SNX4: variants seen among roughly 807,000 people sequenced by gnomAD.
SNX4 encodes sorting nexin-4.
SNX4 carries 49 observed loss-of-function variants against 70.8 expected under a neutral mutation model. The observed-to-expected ratio is 0.69, with a 90% CI of 0.55 to 0.88. The LOEUF is 0.88. Ranked by LOEUF, SNX4 falls within the 40% of genes least tolerant of loss-of-function variation. The pLI is 0.00. For missense variants in SNX4, 528 were observed against 544.8 expected (o/e 0.97, Z 0.31); for synonymous variants, 206 against 183.8 (o/e 1.12, Z -0.98).
rs58660681 is a variant in SNX4, at chr3:125,474,848, C to CA, written c.788+1846dup. On this transcript the variant is annotated intron_variant, in intron 8 of 13. Coordinates refer to ENST00000251775, the MANE Select transcript of SNX4 (RefSeq NM_003794.4). ...TGTTTAGTTTATGTTAATTCCCCCC[C>CA]ACATGTCTCCTATGGGATATAATTT... Among the ~76,000 whole-genome samples the CA allele has an allele frequency of 6.0e-3, 915 of 152,044 alleles. 4 individuals carry two copies. Among genetic ancestry groups the CA allele is most frequent in the Non-Finnish European group, 0.011 (719 of 67,990 alleles).
intron 8 of SNX4, among the ~76,000 whole-genome samples, chr3:125,471,551 C>T (rs1226125570): frequency 2.0e-5 from 3 of 152,086 alleles, no homozygotes; most frequent in African/African-American, 7.2e-5. Flanking sequence ...AACTGTAACA[C>T]TGAATCTGGG....
At chr3:125,518,102 T>C (rs959553673) in intron 1 of SNX4, among the ~76,000 whole-genome samples, 19 of 152,328 alleles carry the variant, frequency 1.2e-4, no homozygotes, top group African/African-American at 4.3e-4. Context: ...ATAAAAGACA[T>C]ATATAATGCC....
chr3:125,491,433 T>C (rs531997406), intron 5 of SNX4, among the ~76,000 whole-genome samples: 1 of 152,324 alleles, frequency 6.6e-6, no homozygotes, highest in South Asian at 2.1e-4. Context: ...ACACCAGCAA[T>C]TTATTTTTTA....
intron 5 of SNX4, among the ~76,000 whole-genome samples, chr3:125,496,054 C>T (rs1338237542): frequency 6.6e-6 from 1 of 152,134 alleles, no homozygotes; most frequent in Non-Finnish European, 1.5e-5. Context: ...CTTCGGGAGG[C>T]TGAGGAGAGA....
chr3:125,448,686 T>C (rs954464533), intron 13 of SNX4, among the ~76,000 whole-genome samples: 5 of 141,670 alleles, frequency 3.5e-5, no homozygotes, highest in Non-Finnish European at 7.7e-5. Flanking sequence ...TTTTTTTTTT[T>C]TTTTTTTGAG....
At chr3:125,461,842 T>C (rs969346684) in intron 9 of SNX4, among the ~76,000 whole-genome samples, 1 of 152,058 alleles carries the variant, frequency 6.6e-6, no homozygotes. Context: ...TTTGTATTTT[T>C]AGTAGAGAAG....
At chr3:125,489,510 T>C (rs1934604610) in intron 5 of SNX4, 47 bp from the exon 6 acceptor site, 2 of 1,476,796 alleles carry the variant, frequency 1.4e-6, no homozygotes, top group Non-Finnish European at 1.9e-6. Flanking sequence ...TTTCAGGGTA[T>C]AAAATTCAAA....
At chr3:125,507,520 A>T (rs951792057) in intron 1 of SNX4, among the ~76,000 whole-genome samples, 7 of 152,222 alleles carry the variant, frequency 4.6e-5, no homozygotes, top group Non-Finnish European at 8.8e-5. Context: ...AATATGATAG[A>T]AGAAATGTAT....
At position 125,497,372 on chromosome 3, in the gene SNX4, T is replaced by C. The variant is rs1415363027; in HGVS notation, c.566A>G (p.Glu189Gly). Residue 189 changes from glutamate (E) to glycine (G), a missense_variant, in exon 5 of 14, where the codon GAG (glutamate) becomes GGG (glycine). Physicochemically the swap from Glu to Gly is moderately conservative, Grantham distance 98. This residue lies in a region of SNX4 where 341 missense variants were observed against 312.2 expected (regional missense o/e 1.09). Coordinates refer to ENST00000251775, the MANE Select transcript of SNX4 (RefSeq NM_003794.4). ...LFLTQEGNWKETVNETGFQLK... is the reference protein window; with the variant it reads ...LFLTQEGNWKGTVNETGFQLK... ...CTGAAACCCAGTTTCATTCACAGTC[T>C]CCTTCCAGTTACCTTCCTAAAAATT... is the stretch of plus-strand genomic sequence containing the variant. The C allele has an allele frequency of 1.2e-6, 2 of 1,604,494 alleles. No homozygotes were observed.
intron 8 of SNX4, among the ~76,000 whole-genome samples, chr3:125,474,682 T>C (rs1276272677): frequency 2.6e-5 from 4 of 152,196 alleles, no homozygotes; most frequent in Admixed American, 2.0e-4. Context: ...AAAACAAACC[T>C]GTACAATATT....
At chr3:125,464,487 A>G (rs1933958134) in intron 9 of SNX4, among the ~76,000 whole-genome samples, 1 of 151,070 alleles carries the variant, frequency 6.6e-6, no homozygotes, top group East Asian at 1.9e-4. Flanking sequence ...TTATTCCAAC[A>G]CCATTTGTTG....
At position 125,464,564 on chromosome 3, in the gene SNX4, C is replaced by CTTTT. The variant is rs778518316; in HGVS notation, c.855-3708_855-3705dup. On this transcript the variant is annotated intron_variant, in intron 9 of 13. Transcript: ENST00000251775. ...CTGTTCCATTGATCTATTTATCTTT[C>CTTTT]TTTTTTTTTTTTTTTTTTTTTTTTT... Among the ~76,000 whole-genome samples, 28 of 67,058 alleles carry CTTTT rather than the reference C, an allele frequency of 4.2e-4. 2 individuals carry two copies. Among genetic ancestry groups the CTTTT allele is most frequent in the African/African-American group, 8.6e-4 (13 of 15,032 alleles). The allele number at this position is 67,058 out of a possible 152,430, so 44.0% of individuals were successfully genotyped here.
intron 9 of SNX4, among the ~76,000 whole-genome samples, chr3:125,462,324 G>A (rs1473241662): frequency 6.6e-6 from 1 of 152,032 alleles, no homozygotes; most frequent in Non-Finnish European, 1.5e-5. Flanking sequence ...AGAAAACTCG[G>A]TACTAAAGCC....
At chr3:125,463,646 T>C (rs2107532268) in intron 9 of SNX4, among the ~76,000 whole-genome samples, 1 of 152,260 alleles carries the variant, frequency 6.6e-6, no homozygotes, top group African/African-American at 2.4e-5. Flanking sequence ...ATTTTTTCTT[T>C]TTTCTCTCCT....
chr3:125,461,522 GTAGAAAGAATAAGAGTTTGGTA>G (rs1050115495), intron 9 of SNX4, among the ~76,000 whole-genome samples: 5 of 152,206 alleles, frequency 3.3e-5, no homozygotes, highest in Admixed American at 2.0e-4. Context: ...TACAAAATCT[GTAGAAAGAATAAGAGTTTGGTA>G]TAATTGGTAT....
chr3:125,467,036 T>G (rs1934041376), intron 9 of SNX4, among the ~76,000 whole-genome samples: 1 of 141,372 alleles, frequency 7.1e-6, no homozygotes, highest in African/African-American at 2.7e-5. Context: ...TGAACTGAGA[T>G]GGTGCCACTG....
chr3:125,501,017 T>TACAGGC (rs1934920444), intron 2 of SNX4, among the ~76,000 whole-genome samples: 1 of 151,960 alleles, frequency 6.6e-6, no homozygotes, highest in African/African-American at 2.4e-5. Context: ...GAAGTTGAAT[T>TACAGGC]TCTAGTTAAC....
At position 125,500,799 on chromosome 3, in the gene SNX4, C is replaced by CAAAAAAAAAA. The variant is rs770336677; in HGVS notation, c.264-2615_264-2606dup. 5.5e-4 allele frequency among the ~76,000 whole-genome samples: 16 copies of CAAAAAAAAAA among 29,320 alleles called. 1 individual carries two copies. The highest frequency in any genetic ancestry group is 4.7e-4 in the Non-Finnish European group (8 of 17,048). 19.2% of individuals were successfully genotyped at this position (29,320 alleles called of 152,430 possible). The stretch of plus-strand genomic sequence containing the variant: ...TGGGCGACAGAGCAAGACTCCGTCT[C>CAAAAAAAAAA]AAAAAAAAAAAAAAAAAAAAAAAAA... On this transcript the variant is annotated intron_variant, in intron 2 of 13. Transcript: ENST00000251775.
At chr3:125,515,680 A>G (rs535751706) in intron 1 of SNX4, among the ~76,000 whole-genome samples, 5 of 151,756 alleles carry the variant, frequency 3.3e-5, no homozygotes, top group Non-Finnish European at 7.4e-5. Context: ...AAAAAAAAAA[A>G]AAAGAAAATG....
Sources: gnomAD v4.1 joint callset for allele counts (sites outside exome capture counted in the v4.1 genomes callset) on GRCh38, gnomAD v4.1.1 for gene constraint, gnomAD v4.1.1 regional missense constraint, MANE v1.5 for transcripts, NCBI Gene and HGNC (gene_info 2026-07-23, HGNC 2026-07-21) for gene names.